Variants in SPON1 observed in about 807,000 individuals in gnomAD.
The protein encoded by SPON1 is spondin-1.
Under a neutral mutation model 111.7 loss-of-function variants are expected in SPON1, and 52 were observed. That is an observed-to-expected ratio of 0.47 (90% confidence interval 0.37 to 0.59). SPON1 has a LOEUF of 0.59. SPON1 is among the 20% of genes least tolerant of loss of function. The pLI is 0.00. For missense variants in SPON1, 957 were observed against 1,068.5 expected (o/e 0.90, Z 1.46); for synonymous variants, 410 against 395.8 (o/e 1.04, Z -0.43).
At chr11:14,152,732 C>A (rs1355686015) in intron 6 of SPON1, among the ~76,000 whole-genome samples, 2 of 152,158 alleles carry the variant, frequency 1.3e-5, no homozygotes, top group African/African-American at 4.8e-5. Flanking sequence ...TGAATTCATT[C>A]TTTAAAATGC....
chr11:14,207,886 A>T lies in SPON1; in HGVS notation c.826-35446A>T, dbSNP rs544970314. Among the ~76,000 whole-genome samples the T allele has an allele frequency of 3.9e-5, 6 of 152,378 alleles. No individual in the cohort carries two copies. The East Asian group carries it at 9.6e-4, about 24-fold the overall frequency. Reference sequence around the variant, plus strand: ...CCAAAAGAATATAAATCATTCTATTATAAAGACACACGTACACGTATGTTC... The same window carrying T: ...CCAAAAGAATATAAATCATTCTATTTTAAAGACACACGTACACGTATGTTC... On this transcript the variant is annotated intron_variant, in intron 6 of 15. Coordinates refer to ENST00000576479, the MANE Select transcript of SPON1 (RefSeq NM_006108.4).
intron 5 of SPON1, among the ~76,000 whole-genome samples, chr11:14,081,386 A>G (rs1422619864): frequency 6.6e-6 from 1 of 152,226 alleles, no homozygotes; most frequent in Non-Finnish European, 1.5e-5. Flanking sequence ...AAGTGGACTT[A>G]CTGTGAACCA....
intron 3 of SPON1, among the ~76,000 whole-genome samples, chr11:14,069,171 C>T (rs11605499): frequency 0.26 from 38,957 of 151,954 alleles, 5,978 homozygotes; most frequent in South Asian, 0.41. Context: ...GTGTTCGTAC[C>T]TAGGAGTCAG....
rs1554931189 is a variant in SPON1, at chr11:14,161,079, TATA to T, written c.825+25512_825+25514del. On this transcript the variant is annotated intron_variant, in intron 6 of 15. Transcript: ENST00000576479. ...TATTTATATATATCTATAATTTTTA[TATA>T]TTTATATATATCTATATATTTTATA... is the stretch of plus-strand genomic sequence containing the variant. Among the ~76,000 whole-genome samples, 3 of 39,608 alleles carry T rather than the reference TATA, an allele frequency of 7.6e-5. 1 individual carries two copies. The highest frequency in any genetic ancestry group is 2.6e-4 in the African/African-American group (3 of 11,366). 26.0% of individuals were successfully genotyped at this position (39,608 alleles called of 152,430 possible). A position where few individuals can be genotyped will look rare whatever the true frequency, so the allele number is the denominator to read the frequency against.
At chr11:14,096,304 A>T (rs144089025) in intron 5 of SPON1, among the ~76,000 whole-genome samples, 1 of 152,164 alleles carries the variant, frequency 6.6e-6, no homozygotes, top group South Asian at 2.1e-4. Context: ...CAAAGATAAC[A>T]CTAGATGAAT....
rs1282470993 is a variant in SPON1 at position 13,962,858 on chromosome 11, G to A, written c.-47G>A. 1.1e-5 allele frequency: 16 copies of A among 1,403,160 alleles called. No homozygotes were observed. The highest frequency in any genetic ancestry group is 1.5e-5 in the African/African-American group (1 of 66,108). The allele number at this position is 1,403,160 out of a possible 1,614,324, so 86.9% of individuals were successfully genotyped here. ...GTCGGGACCACTTCGGGCAGGAGTCGCGTGGCGAAGGCCTGCGGCCGCGGC... is the reference window on the plus strand; with the variant it reads ...GTCGGGACCACTTCGGGCAGGAGTCACGTGGCGAAGGCCTGCGGCCGCGGC... On this transcript the variant is annotated 5_prime_UTR_variant, in exon 1 of 16. Transcript: ENST00000576479.
chr11:14,098,549 T>C (rs182134806), intron 5 of SPON1, among the ~76,000 whole-genome samples: 2 of 152,310 alleles, frequency 1.3e-5, no homozygotes, highest in African/African-American at 2.4e-5. Context: ...ATGAATATTA[T>C]GCTCCTGATT....
At position 14,220,785 on chromosome 11, in the gene SPON1, C is replaced by A. The variant is rs574162229; in HGVS notation, c.826-22547C>A. 9.9e-5 allele frequency among the ~76,000 whole-genome samples: 15 copies of A among 152,262 alleles called. No individual in the cohort carries two copies. The South Asian group carries it at 3.1e-3, about 32-fold the overall frequency. On this transcript the variant is annotated intron_variant, in intron 6 of 15. Transcript: ENST00000576479. ...AGTTATTAGTTTAATTGAATAATATCTGGATCATACTGGTGGTAATGTTAA... is the reference window on the plus strand; with the variant it reads ...AGTTATTAGTTTAATTGAATAATATATGGATCATACTGGTGGTAATGTTAA...
intron 5 of SPON1, among the ~76,000 whole-genome samples, chr11:14,084,407 T>C (rs1848989273): frequency 6.6e-6 from 1 of 152,244 alleles, no homozygotes; most frequent in South Asian, 2.1e-4. Context: ...TGTTTGGTTT[T>C]CTGTTCCTGT....
intron 1 of SPON1, among the ~76,000 whole-genome samples, chr11:13,972,623 T>C (rs56905117): frequency 0.015 from 2,232 of 152,286 alleles, 55 homozygotes; most frequent in African/African-American, 0.051. Flanking sequence ...GATATTTAGC[T>C]AAATAGTTTT....
chr11:13,979,006 T>C (rs1454859235), intron 1 of SPON1, among the ~76,000 whole-genome samples: 1 of 152,240 alleles, frequency 6.6e-6, no homozygotes, highest in Non-Finnish European at 1.5e-5. Flanking sequence ...AGGCTGATTG[T>C]ATTCATTTCC....
intron 2 of SPON1, among the ~76,000 whole-genome samples, chr11:14,039,281 A>T (rs782363341): frequency 6.6e-6 from 1 of 152,244 alleles, no homozygotes; most frequent in Non-Finnish European, 1.5e-5. Context: ...ACATTTGTCA[A>T]AACCCATAAG....
chr11:14,214,621 G>C (rs1354994569), intron 6 of SPON1, among the ~76,000 whole-genome samples: 1 of 152,202 alleles, frequency 6.6e-6, no homozygotes, highest in Non-Finnish European at 1.5e-5. Flanking sequence ...AGGCAAGTGA[G>C]ATGATGAGCC....
intron 5 of SPON1, among the ~76,000 whole-genome samples, chr11:14,091,671 A>G (rs1554923397): frequency 6.6e-6 from 1 of 151,674 alleles, no homozygotes; most frequent in Admixed American, 6.6e-5. Context: ...GCTGGCTCGC[A>G]AGTGCCGCCC....
chr11:14,257,827 T>C lies in SPON1; in HGVS notation c.1421T>C (p.Leu474Pro), dbSNP rs782303924. 1 of 1,603,746 alleles carries C rather than the reference T, an allele frequency of 6.2e-7. No homozygotes were observed. Among genetic ancestry groups the C allele is most frequent in the East Asian group, 2.3e-5 (1 of 44,420 alleles). Residue 474 changes from leucine to proline, a missense_variant, in exon 11 of 16, where the codon CTG (leucine) becomes CCG (proline). Leu to Pro is a moderately conservative substitution (Grantham distance 98). Around this residue, in one of 5 missense-constraint regions of SPON1, gnomAD observed 549 missense variants for 606.2 expected, o/e 0.91. Coordinates refer to ENST00000576479, the MANE Select transcript of SPON1 (RefSeq NM_006108.4). ...CGACAGCGCATGCTGAAAGCACAGCTGGACCTCAGCGTCCCCTGCCCTGAC... is the reference window on the plus strand; with the variant it reads ...CGACAGCGCATGCTGAAAGCACAGCCGGACCTCAGCGTCCCCTGCCCTGAC... ...RMRQRMLKAQ[L>P]DLSVPCPDTQ...
chr11:14,172,728 A>G (rs1848121629), intron 6 of SPON1, among the ~76,000 whole-genome samples: 1 of 151,734 alleles, frequency 6.6e-6, no homozygotes, highest in African/African-American at 2.4e-5. Flanking sequence ...TCTGTAAAGT[A>G]TTTTATTTCT....
intron 2 of SPON1, among the ~76,000 whole-genome samples, chr11:14,038,268 C>T (rs1224050581): frequency 2.6e-5 from 4 of 152,040 alleles, no homozygotes; most frequent in Non-Finnish European, 5.9e-5. Flanking sequence ...GAGTTCAAAA[C>T]CAGCCTGGCC....
In SPON1 at chr11:13,982,879, A is replaced by G. The variant is rs781945559; in HGVS notation, c.271A>G (p.Arg91Gly). The change falls in exon 2 of 16, where the codon AGA (arginine) becomes GGA (glycine). Residue 91 changes from arginine to glycine, a missense_variant. Around this residue, in one of 5 missense-constraint regions of SPON1, gnomAD observed 262 missense variants for 253.9 expected, o/e 1.03. Transcript: ENST00000576479. The stretch of plus-strand genomic sequence containing the variant: ...TTCAGCTGCTCCTCCCTCCTACTTC[A>G]GAGGATTCACATTAATTGCCCTCAG... ...TLSAAPPSYFRGFTLIALREN... is the reference protein window; with the variant it reads ...TLSAAPPSYFGGFTLIALREN... The G allele has an allele frequency of 6.4e-6, 10 of 1,562,258 alleles. No individual in the cohort carries two copies. The highest frequency in any genetic ancestry group is 6.1e-6 in the Non-Finnish European group (7 of 1,152,112).
At chr11:14,245,977 G>C (rs1321667311) in intron 7 of SPON1, among the ~76,000 whole-genome samples, 2 of 152,228 alleles carry the variant, frequency 1.3e-5, no homozygotes, top group African/African-American at 4.8e-5. Context: ...TTACCAGTCA[G>C]GTCACCCTGA....
Sources: gnomAD v4.1 joint callset for allele counts (sites outside exome capture counted in the v4.1 genomes callset) on GRCh38, gnomAD v4.1.1 for gene constraint, gnomAD v4.1.1 regional missense constraint, MANE v1.5 for transcripts, NCBI Gene and HGNC (gene_info 2026-07-23, HGNC 2026-07-21) for gene names.